AIM2: variants seen among roughly 807,000 people sequenced by gnomAD.
AIM2 encodes the protein interferon-inducible protein AIM2.
A neutral mutation model predicts 27.7 loss-of-function variants in AIM2; 30 were observed. That is an observed-to-expected ratio of 1.08 (90% CI 0.81 to 1.47). The LOEUF (loss-of-function observed/expected upper bound fraction) is 1.47. AIM2 is among the 40% of genes most tolerant of loss of function. The pLI is 0.00. For missense variants in AIM2, 358 were observed against 411.3 expected (o/e 0.87, Z 1.12); for synonymous variants, 141 against 145.3 (o/e 0.97, Z 0.21).
At chr1:159,077,528 A>G (rs902983836), upstream of AIM2, among the ~76,000 whole-genome samples, 4 of 152,174 alleles carry the variant, frequency 2.6e-5, no homozygotes, top group African/African-American at 9.7e-5. Context: ...TCTGTGTTAC[A>G]TTCTCATCTG....
chr1:159,146,007 G>C (rs1570988011), intron 1 of AIM2, among the ~76,000 whole-genome samples: 1 of 151,990 alleles, frequency 6.6e-6, no homozygotes, highest in South Asian at 2.1e-4. Flanking sequence ...TCGGGAGGCT[G>C]AGGCAGGAGA....
chr1:159,114,357 G>C (rs1027668055), intron 1 of AIM2, among the ~76,000 whole-genome samples: 2 of 152,218 alleles, frequency 1.3e-5, no homozygotes, highest in Non-Finnish European at 2.9e-5. Flanking sequence ...GTGGCCTTGA[G>C]TTTAGTGGGA....
At chr1:159,059,847 T>C (rs1450384678), downstream of AIM2, among the ~76,000 whole-genome samples, 1 of 152,206 alleles carries the variant, frequency 6.6e-6, no homozygotes, top group Admixed American at 6.5e-5. Context: ...TTCAATAGCT[T>C]CATCCTCTAA....
chr1:159,102,661 G>A (rs1657343493), intron 1 of AIM2, among the ~76,000 whole-genome samples: 1 of 152,250 alleles, frequency 6.6e-6, no homozygotes, highest in Non-Finnish European at 1.5e-5. Context: ...GAGACATGGA[G>A]TCAAAGGAGA....
At chr1:159,078,584 G>GATT (rs1656693791), upstream of AIM2, among the ~76,000 whole-genome samples, 2 of 152,066 alleles carry the variant, frequency 1.3e-5, no homozygotes, top group Admixed American at 6.5e-5. Flanking sequence ...ATTAAGCTGG[G>GATT]AAGTGGTCTC....
downstream of AIM2, chr1:159,062,370 A>G: frequency 5.8e-6 from 2 of 347,638 alleles, no homozygotes; most frequent in South Asian, 7.4e-5. Flanking sequence ...ATTTTGTGCA[A>G]TTGTTGTCAT....
At chr1:159,130,958 T>C (rs973654528) in intron 1 of AIM2, among the ~76,000 whole-genome samples, 9 of 152,246 alleles carry the variant, frequency 5.9e-5, no homozygotes, top group African/African-American at 2.2e-4. Context: ...TAGATGTCAG[T>C]CTCACAGACT....
chr1:159,086,214 G>GA (rs1656908459), intron 1 of AIM2, among the ~76,000 whole-genome samples: 1 of 152,186 alleles, frequency 6.6e-6, no homozygotes, highest in Non-Finnish European at 1.5e-5. Context: ...TCAATGTACT[G>GA]AAACAGGGAG....
At chr1:159,067,220 T>G (rs943649252) in intron 3 of AIM2, among the ~76,000 whole-genome samples, 1 of 152,184 alleles carries the variant, frequency 6.6e-6, no homozygotes, top group Non-Finnish European at 1.5e-5. Flanking sequence ...ACTAGAGAGA[T>G]ATTTACCAAC....
intron 1 of AIM2, among the ~76,000 whole-genome samples, chr1:159,109,123 A>G (rs557311633): frequency 2.0e-5 from 3 of 152,274 alleles, no homozygotes; most frequent in South Asian, 2.1e-4. Flanking sequence ...GAAGGCATCA[A>G]TATTACCTGA....
the AIM2 span, among the ~76,000 whole-genome samples, chr1:159,055,321 T>C: frequency 6.6e-6 from 1 of 152,184 alleles, no homozygotes; most frequent in Non-Finnish European, 1.5e-5. Context: ...ACAGGCTGTG[T>C]TCTGCTGAAA....
chr1:159,058,738 T>C (rs1216725758), downstream of AIM2, among the ~76,000 whole-genome samples: 1 of 152,160 alleles, frequency 6.6e-6, no homozygotes, highest in Admixed American at 6.5e-5. Context: ...CTTTTCCTTA[T>C]TTCAGCTAAA....
At chr1:159,055,771 T>C in the AIM2 span, among the ~76,000 whole-genome samples, 1 of 152,242 alleles carries the variant, frequency 6.6e-6, no homozygotes, top group Non-Finnish European at 1.5e-5. Flanking sequence ...ATTTATTGAT[T>C]ATATATTTGG....
chr1:159,135,609 T>G (rs775718855), intron 1 of AIM2, among the ~76,000 whole-genome samples: 50 of 152,228 alleles, frequency 3.3e-4, no homozygotes, highest in Non-Finnish European at 6.5e-4. Flanking sequence ...GTTAGAAGTT[T>G]ATACATAATA....
At chr1:159,107,799 C>T (rs182865233) in intron 1 of AIM2, among the ~76,000 whole-genome samples, 1 of 152,040 alleles carries the variant, frequency 6.6e-6, no homozygotes, top group Non-Finnish European at 1.5e-5. Flanking sequence ...AACTAGAAAA[C>T]CAAGAAAAGA....
chr1:159,128,532 C>T (rs1647780853), intron 1 of AIM2, among the ~76,000 whole-genome samples: 1 of 152,132 alleles, frequency 6.6e-6, no homozygotes, highest in South Asian at 2.1e-4. Context: ...CTGCTTTTGA[C>T]CAAGCCAGTA....
At chr1:159,075,403 G>GAA (rs113659112) in intron 1 of AIM2, among the ~76,000 whole-genome samples, 2 of 149,784 alleles carry the variant, frequency 1.3e-5, no homozygotes, top group East Asian at 2.0e-4. Flanking sequence ...GGACAAGCCA[G>GAA]AAAAAAAAAA....
upstream of AIM2, among the ~76,000 whole-genome samples, chr1:159,141,337 A>G (rs530688653): frequency 2.6e-5 from 4 of 152,280 alleles, no homozygotes; most frequent in East Asian, 5.8e-4. Context: ...CTATGTGCCA[A>G]TTATCTAACT....
chr1:159,065,155 G>T (rs1656028563), intron 4 of AIM2, among the ~76,000 whole-genome samples: 1 of 152,128 alleles, frequency 6.6e-6, no homozygotes, highest in African/African-American at 2.4e-5. Context: ...TCTCTCTATG[G>T]TTCTTTAGGT....
Sources: gnomAD v4.1 joint callset for allele counts (sites outside exome capture counted in the v4.1 genomes callset) on GRCh38, gnomAD v4.1.1 for gene constraint, MANE v1.5 for transcripts, NCBI Gene and HGNC (gene_info 2026-07-23, HGNC 2026-07-21) for gene names.